CELF2: variants seen among roughly 807,000 people sequenced by gnomAD.
CELF2 encodes CUG triplet repeat RNA-binding protein 2.
Under a neutral mutation model 62.6 loss-of-function variants are expected in CELF2, and 8 were observed. The observed-to-expected ratio is 0.13, with a 90% confidence interval of 0.07 to 0.23. The LOEUF is 0.23. Ranked by LOEUF, CELF2 falls within the 10% of genes least tolerant of loss-of-function variation. The pLI, the probability that CELF2 is intolerant of heterozygous loss-of-function variation, is 1.00. For synonymous variants in CELF2, 258 were observed against 250.0 expected (o/e 1.03, Z -0.30); for missense variants, 333 against 671.0 (o/e 0.50, Z 5.56).
chr10:10,745,457 G>T, the CELF2 span, among the ~76,000 whole-genome samples: 1 of 151,946 alleles, frequency 6.6e-6, no homozygotes, highest in Non-Finnish European at 1.5e-5. Context: ...CTCTTCTTCC[G>T]CACCCCCTGG....
chr10:11,147,560 T>A (rs1034899467), intron 1 of CELF2, among the ~76,000 whole-genome samples: 1 of 152,194 alleles, frequency 6.6e-6, no homozygotes, highest in South Asian at 2.1e-4. Context: ...ATAAGCTTTT[T>A]GGAGTGTGGC....
At position 11,046,822 on chromosome 10, in the gene CELF2, T is replaced by C. The variant is rs770190046; in HGVS notation, c.74+28659T>C. 6.6e-6 allele frequency among the ~76,000 whole-genome samples: 1 copy of C among 152,246 alleles called. No individual in the cohort carries two copies. Among genetic ancestry groups the C allele is most frequent in the African/African-American group, 2.4e-5 (1 of 41,466 alleles). On this transcript the variant is annotated intron_variant, in intron 1 of 12. Transcript: ENST00000633077. The surrounding 1 kb of genome is among the most constrained non-coding windows in gnomAD (Gnocchi z 4.6). ...GCCCTTGGCTTGTTGCTTTATTTTC[T>C]AAAATTTTAAATTTCATCGAAACTG...
the CELF2 span, among the ~76,000 whole-genome samples, chr10:10,725,484 T>C: frequency 6.6e-6 from 1 of 152,232 alleles, no homozygotes; most frequent in Non-Finnish European, 1.5e-5. Context: ...CTGGTGGTCC[T>C]CCTTAGACTG....
chr10:10,906,867 A>T (rs1480850834), intron 1 of CELF2, among the ~76,000 whole-genome samples: 1 of 151,602 alleles, frequency 6.6e-6, no homozygotes, highest in Non-Finnish European at 1.5e-5. Context: ...TACAGGCACA[A>T]GCCGCCACAC....
chr10:11,202,682 A>G (rs1471756777), intron 2 of CELF2, among the ~76,000 whole-genome samples: 1 of 152,210 alleles, frequency 6.6e-6, no homozygotes, highest in African/African-American at 2.4e-5. Flanking sequence ...CACTGTTTAG[A>G]CTTGCCTTAG....
the CELF2 span, among the ~76,000 whole-genome samples, chr10:10,495,553 C>T: frequency 6.6e-6 from 1 of 152,188 alleles, no homozygotes; most frequent in Non-Finnish European, 1.5e-5. Flanking sequence ...CCTGTCCTCT[C>T]TACCTGAACA....
rs2083065342 is a variant in CELF2, at chr10:11,269,317, T to C, written c.619-1349T>C. 6.6e-6 allele frequency among the ~76,000 whole-genome samples: 1 copy of C among 152,208 alleles called. No individual in the cohort carries two copies. The highest frequency in any genetic ancestry group is 6.5e-5 in the Admixed American group (1 of 15,284). ...GACCAGTAGGCTGGAAGTTTAACAC[T>C]GAAATATTCATCTCATTTTTCTCAC... On this transcript the variant is annotated intron_variant, in intron 6 of 12. Transcript: ENST00000633077. This position sits in a 1 kb window ranked among gnomAD's most constrained non-coding sequence, Gnocchi z 4.4.
At chr10:11,193,103 C>A (rs12268124) in intron 2 of CELF2, among the ~76,000 whole-genome samples, 2,208 of 152,266 alleles carry the variant, frequency 0.015, 59 homozygotes, top group African/African-American at 0.051. Flanking sequence ...TAGTTCACAG[C>A]CCTGAACCCA....
Position 11,017,982 on chromosome 10 carries a change from G to C in CELF2, c.-108G>C. 1.0e-6 allele frequency: 1 copy of C among 991,842 alleles called. No homozygotes were observed. Among genetic ancestry groups the C allele is most frequent in the Non-Finnish European group, 1.2e-6 (1 of 835,358 alleles). 61.4% of individuals were successfully genotyped at this position (991,842 alleles called of 1,614,324 possible). A position where few individuals can be genotyped will look rare whatever the true frequency, so the allele number is the denominator to read the frequency against. On this transcript the variant is annotated 5_prime_UTR_variant, in exon 1 of 13. Coordinates refer to ENST00000633077, the MANE Select transcript of CELF2 (RefSeq NM_001326342.2). This position sits in a 1 kb window ranked among gnomAD's most constrained non-coding sequence, Gnocchi z 5.5. Reference sequence around the variant, plus strand: ...TGTGACAAGTGCCGGCTCGGCGGCCGCCGGGGGAGGCCGCGCGCACCTGTC... The same window carrying C: ...TGTGACAAGTGCCGGCTCGGCGGCCCCCGGGGGAGGCCGCGCGCACCTGTC...
the CELF2 span, among the ~76,000 whole-genome samples, chr10:10,500,504 G>GGGTTTCT: frequency 2.6e-5 from 4 of 152,116 alleles, no homozygotes; most frequent in Non-Finnish European, 5.9e-5. Flanking sequence ...GTTTTATAAA[G>GGGTTTCT]GTTTTATAAA....
At chr10:10,971,613 G>T (rs2050763663) in intron 2 of CELF2, among the ~76,000 whole-genome samples, 1 of 152,158 alleles carries the variant, frequency 6.6e-6, no homozygotes, top group African/African-American at 2.4e-5. Context: ...TACAGACAGA[G>T]TTTCGCTCTG....
At chr10:10,808,197 A>G (rs2055441750) in intron 1 of CELF2, among the ~76,000 whole-genome samples, 1 of 152,190 alleles carries the variant, frequency 6.6e-6, no homozygotes, top group South Asian at 2.1e-4. Context: ...ACATCACACT[A>G]TTGTTGTCTA....
chr10:10,712,147 C>CAAAAAAAAAA, the CELF2 span, among the ~76,000 whole-genome samples: 36 of 43,424 alleles, frequency 8.3e-4, 5 homozygotes, highest in African/African-American at 2.4e-3. Context: ...AGGATAGAGA[C>CAAAAAAAAAA]AAAAAAAAAA....
intron 1 of CELF2, among the ~76,000 whole-genome samples, chr10:10,832,445 G>A (rs4749995): frequency 0.54 from 81,400 of 151,858 alleles, 22,360 homozygotes; most frequent in East Asian, 0.76. Context: ...AGGATCACCC[G>A]TAGCACAAGA....
chr10:11,273,958 A>G (rs1347758232), intron 7 of CELF2, among the ~76,000 whole-genome samples: 5 of 86,374 alleles, frequency 5.8e-5, no homozygotes, highest in Admixed American at 1.5e-4. Context: ...CCTAACCTCA[A>G]GTGATCCCCA....
the CELF2 span, among the ~76,000 whole-genome samples, chr10:10,488,888 G>C: frequency 6.6e-6 from 1 of 151,994 alleles, no homozygotes; most frequent in South Asian, 2.1e-4. Context: ...TCAAAATCCT[G>C]ACTCCAAAAT....
At chr10:11,281,230 A>C (rs1329086063) in intron 8 of CELF2, among the ~76,000 whole-genome samples, 1 of 152,134 alleles carries the variant, frequency 6.6e-6, no homozygotes. Context: ...CACATTTTGC[A>C]TGCACATCAC....
intron 5 of CELF2, among the ~76,000 whole-genome samples, chr10:11,263,853 T>G (rs1343002882): frequency 6.6e-6 from 1 of 152,222 alleles, no homozygotes; most frequent in Non-Finnish European, 1.5e-5. Context: ...GAAATTACAG[T>G]GGTTAACAAG....
intron 10 of CELF2, chr10:11,320,976 T>G: frequency 5.4e-6 from 8 of 1,488,534 alleles, no homozygotes; most frequent in Non-Finnish European, 7.3e-6. Context: ...ATCACTGGCC[T>G]AGGGAGTGAG....
Sources: allele counts gnomAD v4.1 joint callset (sites outside exome capture counted in the v4.1 genomes callset), GRCh38; gene constraint gnomAD v4.1.1; non-coding constraint Gnocchi (gnomAD v3.1); transcripts MANE v1.5; gene names NCBI Gene and HGNC (gene_info 2026-07-23, HGNC 2026-07-21).